Variants in TRDN observed in about 807,000 individuals in gnomAD.
TRDN encodes triadin in skeletal muscle.
A neutral mutation model predicts 149.7 loss-of-function variants in TRDN; 161 were observed. That is an observed-to-expected ratio of 1.08 (90% CI 0.95 to 1.23). The LOEUF (loss-of-function observed/expected upper bound fraction) is 1.23. Ranked by LOEUF, TRDN falls within the 50% of genes most tolerant of loss-of-function variation. The pLI, the probability that TRDN is intolerant of heterozygous loss-of-function variation, is 0.00. For missense variants in TRDN, 896 were observed against 823.5 expected, an observed-to-expected ratio of 1.09 and a Z score of -1.08; for synonymous variants, 294 against 250.5, an observed-to-expected ratio of 1.17 and a Z score of -1.64.
chr6:123,377,909 T>G lies in TRDN; in HGVS notation c.1187-11A>C. The G allele has an allele frequency of 2.1e-6, 3 of 1,398,668 alleles. No homozygotes were observed. In the South Asian group the frequency reaches 4.0e-5, roughly 18 times the overall value. 86.6% of individuals were successfully genotyped at this position (1,398,668 alleles called of 1,614,324 possible). On this transcript the variant is annotated splice_polypyrimidine_tract_variant and intron_variant, in intron 16 of 40. Coordinates refer to ENST00000334268, the MANE Select transcript of TRDN (RefSeq NM_006073.4). ...CTTTCTTTTCCTGTTCTGAAACATA[T>G]TATTATTGTTATTATTATTATCGTT...
intron 9 of TRDN, among the ~76,000 whole-genome samples, chr6:123,467,522 C>G (rs1776900066): frequency 1.3e-5 from 2 of 151,552 alleles, no homozygotes; most frequent in African/African-American, 4.8e-5. Context: ...AAAGTAGGAC[C>G]ACAAGCAAAA....
chr6:123,570,212 T>C (rs1782494036), intron 2 of TRDN, among the ~76,000 whole-genome samples: 1 of 152,180 alleles, frequency 6.6e-6, no homozygotes, highest in South Asian at 2.1e-4. Flanking sequence ...GTTTCGCTTA[T>C]GGTAAAAAAG....
intron 16 of TRDN, among the ~76,000 whole-genome samples, chr6:123,378,536 C>CA (rs1485533935): frequency 2.6e-5 from 4 of 151,452 alleles, no homozygotes; most frequent in African/African-American, 9.7e-5. Context: ...AGGCTGGTCT[C>CA]AAACTTCTGG....
intron 23 of TRDN, among the ~76,000 whole-genome samples, chr6:123,321,086 G>T (rs1039871724): frequency 6.6e-6 from 1 of 151,906 alleles, no homozygotes; most frequent in African/African-American, 2.4e-5. Context: ...AGTATGAGGG[G>T]GTCTGGAAAA....
chr6:123,631,394 A>G (rs1785998005), intron 1 of TRDN, among the ~76,000 whole-genome samples: 1 of 152,174 alleles, frequency 6.6e-6, no homozygotes, highest in South Asian at 2.1e-4. Context: ...TCTCAAAAAC[A>G]AACTATTTCT....
intron 12 of TRDN, among the ~76,000 whole-genome samples, chr6:123,432,503 C>T (rs1774374793): frequency 6.6e-6 from 1 of 151,832 alleles, no homozygotes; most frequent in Non-Finnish European, 1.5e-5. Flanking sequence ...TTTTCGATTT[C>T]TGCTTATATA....
intron 1 of TRDN, among the ~76,000 whole-genome samples, chr6:123,627,794 A>C (rs1295346215): frequency 6.6e-6 from 1 of 152,214 alleles, no homozygotes; most frequent in African/African-American, 2.4e-5. Context: ...AACTTGCTGC[A>C]GCTTCTACAT....
At chr6:123,503,667 T>G in intron 8 of TRDN, 52 bp downstream of exon 8, 1 of 1,609,688 alleles carries the variant, frequency 6.2e-7, no homozygotes, top group Non-Finnish European at 8.5e-7. Context: ...CATGTGCTTC[T>G]TGCCCAATAT....
At chr6:123,488,557 A>T (rs2114789324) in intron 9 of TRDN, among the ~76,000 whole-genome samples, 1 of 152,128 alleles carries the variant, frequency 6.6e-6, no homozygotes, top group East Asian at 1.9e-4. Context: ...TATAAATCCC[A>T]TGACTCTATC....
chr6:123,503,658 A>C (rs572614305), intron 8 of TRDN, 61 bp downstream of exon 8: 3 of 1,606,380 alleles, frequency 1.9e-6, no homozygotes, highest in Non-Finnish European at 2.5e-6. Context: ...ATTTCACTGC[A>C]TGTGCTTCTT....
At chr6:123,491,922 A>G (rs1022166069) in intron 9 of TRDN, among the ~76,000 whole-genome samples, 3 of 152,160 alleles carry the variant, frequency 2.0e-5, no homozygotes, top group African/African-American at 7.2e-5. Context: ...AATACATTAA[A>G]CCATTAAATA....
At chr6:123,280,924 A>G (rs916122903) in intron 24 of TRDN, among the ~76,000 whole-genome samples, 2 of 152,104 alleles carry the variant, frequency 1.3e-5, no homozygotes, top group African/African-American at 4.8e-5. Flanking sequence ...ACATGGTGAT[A>G]AGATAGGCTC....
chr6:123,235,873 T>C (rs1775769442), intron 38 of TRDN, among the ~76,000 whole-genome samples: 1 of 152,196 alleles, frequency 6.6e-6, no homozygotes, highest in South Asian at 2.1e-4. Flanking sequence ...CACATATGAA[T>C]TTTTATTCCT....
At chr6:123,503,232 A>T (rs2114831075) in intron 8 of TRDN, 1 of 984,496 alleles carries the variant, frequency 1.0e-6, no homozygotes, top group Middle Eastern at 5.2e-4. Flanking sequence ...AATTGGATGT[A>T]TATTCTAAAT....
chr6:123,586,848 G>C (rs918411700), intron 1 of TRDN, among the ~76,000 whole-genome samples: 1 of 151,982 alleles, frequency 6.6e-6, no homozygotes, highest in African/African-American at 2.4e-5. Context: ...AAGCGGGAAA[G>C]GGGTCGGGGC....
rs1286219338 is a variant in TRDN, at chr6:123,530,494, T to G, written c.484+12A>C. On this transcript the variant is annotated intron_variant, in intron 5 of 40. Transcript: ENST00000334268. Reference sequence around the variant, plus strand: ...ATCTAAATGAAGAATAAACATAAAATGAAATGTTTACCTTTAGTTTGTATT... The same window carrying G: ...ATCTAAATGAAGAATAAACATAAAAGGAAATGTTTACCTTTAGTTTGTATT... The G allele has an allele frequency of 8.1e-7, 1 of 1,227,912 alleles. No individual in the cohort carries two copies. The highest frequency in any genetic ancestry group is 1.6e-5 in the African/African-American group (1 of 63,358). The allele number at this position is 1,227,912 out of a possible 1,614,324, so 76.1% of individuals were successfully genotyped here. A position where few individuals can be genotyped will look rare whatever the true frequency, so the allele number is the denominator to read the frequency against.
At chr6:123,554,296 A>T (rs1175812809) in intron 2 of TRDN, among the ~76,000 whole-genome samples, 1 of 152,160 alleles carries the variant, frequency 6.6e-6, no homozygotes, top group African/African-American at 2.4e-5. Flanking sequence ...GGCTAAGCAA[A>T]GCAGAGATTT....
chr6:123,538,604 G>T (rs1413391016), intron 4 of TRDN, among the ~76,000 whole-genome samples: 2 of 152,050 alleles, frequency 1.3e-5, no homozygotes, highest in Non-Finnish European at 2.9e-5. Flanking sequence ...ACAGTGATAA[G>T]AAGATATTAA....
chr6:123,523,205 C>T (rs1247682173), intron 5 of TRDN, among the ~76,000 whole-genome samples: 2 of 152,054 alleles, frequency 1.3e-5, no homozygotes, highest in Non-Finnish European at 2.9e-5. Flanking sequence ...TGCCAAGGGA[C>T]TACACAGGAA....
Sources: gnomAD v4.1 joint callset for allele counts (sites outside exome capture counted in the v4.1 genomes callset) on GRCh38, gnomAD v4.1.1 for gene constraint, MANE v1.5 for transcripts, NCBI Gene and HGNC (gene_info 2026-07-23, HGNC 2026-07-21) for gene names.